Variants in CCDC7 observed in about 807,000 individuals in gnomAD.
CCDC7 encodes the protein coiled-coil domain containing 7, also known as coiled-coil domain-containing protein 7.
CCDC7 carries 183 observed loss-of-function variants against 196.9 expected under a neutral mutation model. The observed-to-expected ratio is 0.93, with a 90% CI of 0.82 to 1.05. The LOEUF (loss-of-function observed/expected upper bound fraction) is 1.05. Among genes scored for constraint, CCDC7 ranks in the 50% least tolerant of loss-of-function variants. The pLI, the probability that CCDC7 is intolerant of heterozygous loss-of-function variation, is 0.00. For synonymous variants in CCDC7, 525 were observed against 484.6 expected (o/e 1.08, Z -1.10); for missense variants, 1,540 against 1,482.2 (o/e 1.04, Z -0.64).
chr10:32,757,007 G>A (rs572420875), intron 28 of CCDC7, among the ~76,000 whole-genome samples: 1 of 152,288 alleles, frequency 6.6e-6, no homozygotes, highest in South Asian at 2.1e-4. Flanking sequence ...GACAAAGAAG[G>A]CTGTTACATA....
intron 18 of CCDC7, among the ~76,000 whole-genome samples, chr10:32,606,637 T>C (rs1441875017): frequency 6.6e-6 from 1 of 152,222 alleles, no homozygotes; most frequent in East Asian, 1.9e-4. Context: ...AGCTTTAAGA[T>C]TTAATAACTG....
At chr10:32,500,199 C>T (rs902117656) in intron 9 of CCDC7, among the ~76,000 whole-genome samples, 1 of 149,324 alleles carries the variant, frequency 6.7e-6, no homozygotes, top group Middle Eastern at 3.8e-3. Flanking sequence ...CGCCCCCCAC[C>T]TCCCGGATGG....
intron 21 of CCDC7, among the ~76,000 whole-genome samples, chr10:32,665,901 A>C (rs1312404700): frequency 6.6e-6 from 1 of 151,974 alleles, no homozygotes; most frequent in Non-Finnish European, 1.5e-5. Flanking sequence ...TTTTCATTGT[A>C]GAACTTTTTT....
chr10:32,455,958 T>C (rs2034246364), intron 2 of CCDC7, among the ~76,000 whole-genome samples: 1 of 152,058 alleles, frequency 6.6e-6, no homozygotes, highest in Admixed American at 6.6e-5. Flanking sequence ...ATTTCAGTAC[T>C]ATGAGGCTGG....
intron 28 of CCDC7, among the ~76,000 whole-genome samples, chr10:32,765,036 G>T (rs1192806087): frequency 6.6e-6 from 1 of 151,966 alleles, no homozygotes; most frequent in Non-Finnish European, 1.5e-5. Flanking sequence ...AAGAGTTCTA[G>T]ATCAAGTGGA....
intron 18 of CCDC7, among the ~76,000 whole-genome samples, chr10:32,603,675 C>T (rs1449758915): frequency 2.0e-5 from 3 of 148,600 alleles, no homozygotes; most frequent in African/African-American, 7.4e-5. Context: ...ATATCTCATT[C>T]TGGTCTTGAT....
chr10:32,729,949 A>G (rs2083677443), intron 28 of CCDC7, among the ~76,000 whole-genome samples: 1 of 151,878 alleles, frequency 6.6e-6, no homozygotes, highest in Non-Finnish European at 1.5e-5. Flanking sequence ...TGATTTTGCT[A>G]TGTCTATCGT....
chr10:32,805,637 G>C (rs904627750), intron 30 of CCDC7, among the ~76,000 whole-genome samples: 23 of 152,288 alleles, frequency 1.5e-4, no homozygotes, highest in African/African-American at 5.5e-4. Flanking sequence ...AACACCCTTT[G>C]ATCTCTGGTG....
chr10:32,594,630 T>A (rs2060128812), intron 18 of CCDC7, among the ~76,000 whole-genome samples: 1 of 152,190 alleles, frequency 6.6e-6, no homozygotes, highest in Non-Finnish European at 1.5e-5. Flanking sequence ...TTTTTGCCAG[T>A]TTTCAAAGGG....
At chr10:32,843,824 A>C (rs887846365) in intron 33 of CCDC7, among the ~76,000 whole-genome samples, 1 of 151,808 alleles carries the variant, frequency 6.6e-6, no homozygotes, top group African/African-American at 2.4e-5. Context: ...GTTTCTATAG[A>C]TGTGCTTATG....
Position 32,824,666 on chromosome 10 carries a change from G to A in CCDC7, c.3268+62G>A, listed in dbSNP as rs2090846800. On this transcript the variant is annotated intron_variant, in intron 32 of 41. Coordinates refer to ENST00000639629, the Ensembl canonical transcript of CCDC7. Reference sequence around the variant, plus strand: ...CCTATCTTCTCTGGAGTTTAAGTATGTATCTCTAATGACAACAGTACCTAT... The same window carrying A: ...CCTATCTTCTCTGGAGTTTAAGTATATATCTCTAATGACAACAGTACCTAT... 6 of 1,114,916 alleles carry A rather than the reference G, an allele frequency of 5.4e-6. No individual in the cohort carries two copies. In the South Asian group the frequency reaches 8.0e-5, roughly 15 times the overall value. 69.1% of individuals were successfully genotyped at this position (1,114,916 alleles called of 1,614,324 possible).
Position 32,761,502 on chromosome 10 carries a change from T to C in CCDC7, c.2906-17475T>C, listed in dbSNP as rs139522889. On this transcript the variant is annotated intron_variant, in intron 28 of 41. Coordinates refer to ENST00000639629, the Ensembl canonical transcript of CCDC7. ...TAATGAGATTAGCTGGTTACTCTTA[T>C]TATGTTAGACAAAGTGGGGAAAGAA... 2.2e-3 allele frequency among the ~76,000 whole-genome samples: 341 copies of C among 152,124 alleles called. 2 individuals are homozygous for C. Among genetic ancestry groups the C allele is most frequent in the South Asian group, 7.7e-3 (37 of 4,820 alleles).
intron 18 of CCDC7, among the ~76,000 whole-genome samples, chr10:32,593,537 A>G (rs1190595365): frequency 6.6e-6 from 1 of 151,978 alleles, no homozygotes; most frequent in African/African-American, 2.4e-5. Flanking sequence ...TGCTGTGGAG[A>G]AGCTCTTTAG....
At chr10:32,754,089 A>G (rs74647512) in intron 28 of CCDC7, among the ~76,000 whole-genome samples, 4,279 of 152,254 alleles carry the variant, frequency 0.028, 219 homozygotes, top group African/African-American at 0.097. Context: ...TGTATAACCA[A>G]TGTAATAAAA....
intron 28 of CCDC7, 31 bp downstream of exon 29, chr10:32,729,488 G>T: frequency 9.7e-7 from 1 of 1,031,750 alleles, no homozygotes; most frequent in Non-Finnish European, 1.4e-6. Context: ...CTTATAAATT[G>T]TTTTTATTAA....
At chr10:32,748,816 G>A (rs534052415) in intron 28 of CCDC7, among the ~76,000 whole-genome samples, 1 of 152,274 alleles carries the variant, frequency 6.6e-6, no homozygotes, top group East Asian at 1.9e-4. Context: ...TAAAAAGTAC[G>A]TGTCCTGAGA....
At chr10:32,661,208 A>G (rs1235886047) in intron 20 of CCDC7, among the ~76,000 whole-genome samples, 4 of 150,384 alleles carry the variant, frequency 2.7e-5, no homozygotes, top group Admixed American at 6.7e-5. Flanking sequence ...GCAGCCAAAA[A>G]ACACATGAAA....
chr10:32,828,555 GAAGA>G (rs1565635961), intron 32 of CCDC7, among the ~76,000 whole-genome samples: 29 of 147,862 alleles, frequency 2.0e-4, no homozygotes, highest in Non-Finnish European at 3.9e-4. Flanking sequence ...AGAAGAAGAA[GAAGA>G]AAGAAGAAGA....
intron 31 of CCDC7, among the ~76,000 whole-genome samples, chr10:32,823,258 T>C (rs1252557462): frequency 6.6e-6 from 1 of 152,074 alleles, no homozygotes; most frequent in Non-Finnish European, 1.5e-5. Flanking sequence ...TTATCCTGCC[T>C]CAGCCTCCTA....
Sources: allele counts gnomAD v4.1 joint callset (sites outside exome capture counted in the v4.1 genomes callset), GRCh38; gene constraint gnomAD v4.1.1; transcripts MANE v1.5; gene names NCBI Gene and HGNC (gene_info 2026-07-23, HGNC 2026-07-21).